The following CAMK1D variants were observed in gnomAD, a reference collection of about 807,000 sequenced individuals.
CAMK1D encodes calcium/calmodulin-dependent protein kinase type 1D.
CAMK1D carries 9 observed loss-of-function variants against 47.7 expected under a neutral mutation model. That is an observed-to-expected ratio of 0.19 (90% CI 0.11 to 0.33). The LOEUF is 0.33. Among genes scored for constraint, CAMK1D ranks in the 10% least tolerant of loss-of-function variants. The pLI is 1.00. For missense variants in CAMK1D, 291 were observed against 488.7 expected (o/e 0.60, Z 3.81); for synonymous variants, 184 against 184.9 (o/e 0.99, Z 0.04).
chr10:12,736,297 G>A (rs528659017), intron 3 of CAMK1D, among the ~76,000 whole-genome samples: 1 of 152,134 alleles, frequency 6.6e-6, no homozygotes, highest in South Asian at 2.1e-4. Context: ...CCTTCCCCTC[G>A]GCGTCCCCAA....
chr10:12,766,361 C>CT (rs61097569), intron 4 of CAMK1D, among the ~76,000 whole-genome samples: 60,453 of 103,084 alleles, frequency 0.59, 17,594 homozygotes, highest in East Asian at 0.76. Flanking sequence ...TTGCCTGTTT[C>CT]TTTTTTTTTT....
intron 2 of CAMK1D, among the ~76,000 whole-genome samples, chr10:12,563,287 G>A (rs758919506): frequency 3.3e-5 from 5 of 152,150 alleles, no homozygotes; most frequent in Non-Finnish European, 7.3e-5. Flanking sequence ...TCCAGGAGTC[G>A]AGGCTGCAGT....
At chr10:12,524,073 T>C (rs966735960) in intron 1 of CAMK1D, among the ~76,000 whole-genome samples, 1 of 152,016 alleles carries the variant, frequency 6.6e-6, no homozygotes, top group African/African-American at 2.4e-5. Flanking sequence ...TTGTATATTT[T>C]AGTAGAGACA....
At chr10:12,411,325 A>G (rs1249902283) in intron 1 of CAMK1D, among the ~76,000 whole-genome samples, 1 of 152,222 alleles carries the variant, frequency 6.6e-6, no homozygotes, top group African/African-American at 2.4e-5. Flanking sequence ...CTGTGCTTCC[A>G]CCATGCGGAT....
At chr10:12,453,307 A>T (rs1222167555) in intron 1 of CAMK1D, among the ~76,000 whole-genome samples, 1 of 150,922 alleles carries the variant, frequency 6.6e-6, no homozygotes, top group Non-Finnish European at 1.5e-5. Flanking sequence ...CTCCTGCCTC[A>T]GCCTCCTGAG....
intron 1 of CAMK1D, among the ~76,000 whole-genome samples, chr10:12,527,742 G>A (rs1205218442): frequency 6.6e-6 from 1 of 152,150 alleles, no homozygotes; most frequent in African/African-American, 2.4e-5. Flanking sequence ...ACTTACCAGT[G>A]GATACTTCTT....
chr10:12,743,546 C>T (rs1835531360), intron 3 of CAMK1D, among the ~76,000 whole-genome samples: 1 of 152,146 alleles, frequency 6.6e-6, no homozygotes, highest in Non-Finnish European at 1.5e-5. Flanking sequence ...TTCACCCTTT[C>T]AAGTTGTACA....
rs760852775 is a variant in CAMK1D, at chr10:12,349,877, A to G, written c.59A>G (p.Lys20Arg). ...TGGAAAAAGCAAGCTGAAGACATCA[A>G]GAAGATCTTCGAGTTCAAAGAGACC... ...SSWKKQAEDI[K>R]KIFEFKETLG... Residue 20 changes from lysine to arginine, a missense_variant, in exon 1 of 11, where the codon AAG becomes AGG. Around this residue, in one of 2 missense-constraint regions of CAMK1D, gnomAD observed 219 missense variants for 424.3 expected, o/e 0.52. Coordinates refer to ENST00000619168, the MANE Select transcript of CAMK1D (RefSeq NM_153498.4). The G allele has an allele frequency of 1.9e-6, 3 of 1,547,656 alleles. No individual in the cohort carries two copies. Among genetic ancestry groups the G allele is most frequent in the South Asian group, 1.2e-5 (1 of 86,150 alleles).
intron 3 of CAMK1D, among the ~76,000 whole-genome samples, chr10:12,683,978 T>C (rs1832553573): frequency 6.6e-6 from 1 of 152,130 alleles, no homozygotes; most frequent in African/African-American, 2.4e-5. Context: ...TGAGGTTTCA[T>C]TGCATACAAA....
At chr10:12,458,377 A>G (rs538798981) in intron 1 of CAMK1D, among the ~76,000 whole-genome samples, 5 of 152,272 alleles carry the variant, frequency 3.3e-5, no homozygotes, top group South Asian at 2.1e-4. Context: ...TTGCTGATAC[A>G]TATTCCTATG....
intron 1 of CAMK1D, among the ~76,000 whole-genome samples, chr10:12,492,288 G>T (rs886381796): frequency 6.7e-6 from 1 of 150,064 alleles, no homozygotes; most frequent in Non-Finnish European, 1.5e-5. Context: ...TGCCGCCATG[G>T]ACAGAGAAAT....
intron 3 of CAMK1D, among the ~76,000 whole-genome samples, chr10:12,753,139 A>G (rs936800480): frequency 5.3e-5 from 8 of 152,020 alleles, no homozygotes; most frequent in Non-Finnish European, 1.0e-4. Context: ...GTAGTCCCAG[A>G]TACTCGGGAG....
At chr10:12,685,847 G>A (rs906600273) in intron 3 of CAMK1D, among the ~76,000 whole-genome samples, 3 of 152,140 alleles carry the variant, frequency 2.0e-5, no homozygotes, top group Non-Finnish European at 2.9e-5. Context: ...GGGAATTTTC[G>A]GCTCTTCGGG....
chr10:12,808,955 A>G (rs1832485789), intron 6 of CAMK1D, among the ~76,000 whole-genome samples: 1 of 151,974 alleles, frequency 6.6e-6, no homozygotes, highest in African/African-American at 2.4e-5. Flanking sequence ...CATCTCTACT[A>G]AAAATACAAA....
In CAMK1D at chr10:12,553,128, G is replaced by A. The variant is rs1049381468; in HGVS notation, c.93-97G>A. On this transcript the variant is annotated intron_variant, in intron 1 of 10. Transcript: ENST00000619168. ...CAGTAATGCTTACAACTGTGCCGTCGTTATTGTTTACTCAAACTTCGGTGG... is the reference window on the plus strand; with the variant it reads ...CAGTAATGCTTACAACTGTGCCGTCATTATTGTTTACTCAAACTTCGGTGG... 104 of 1,590,476 alleles carry A rather than the reference G, an allele frequency of 6.5e-5. 1 individual carries two copies. In the Middle Eastern group the frequency reaches 6.7e-4, roughly 10 times the overall value.
intron 2 of CAMK1D, among the ~76,000 whole-genome samples, chr10:12,555,258 C>T (rs560737881): frequency 5.9e-5 from 9 of 152,206 alleles, no homozygotes; most frequent in Non-Finnish European, 1.3e-4. Flanking sequence ...CAACGATGTT[C>T]AGCCATCATT....
chr10:12,583,588 T>G (rs990291594), intron 2 of CAMK1D, among the ~76,000 whole-genome samples: 1 of 150,278 alleles, frequency 6.7e-6, no homozygotes, highest in Non-Finnish European at 1.5e-5. Flanking sequence ...TTGTGTGTGT[T>G]TTGTTGTTGT....
chr10:12,482,400 C>T (rs1266164142), intron 1 of CAMK1D, among the ~76,000 whole-genome samples: 1 of 152,142 alleles, frequency 6.6e-6, no homozygotes, highest in Non-Finnish European at 1.5e-5. Flanking sequence ...TTATAACACC[C>T]GGTAGCCAAA....
intron 1 of CAMK1D, among the ~76,000 whole-genome samples, chr10:12,382,323 T>C (rs1838368924): frequency 6.6e-6 from 1 of 152,100 alleles, no homozygotes; most frequent in Non-Finnish European, 1.5e-5. Context: ...TATCTTGTAA[T>C]GATAATGTAT....
Sources: gnomAD v4.1 joint callset for allele counts (sites outside exome capture counted in the v4.1 genomes callset) on GRCh38, gnomAD v4.1.1 for gene constraint, gnomAD v4.1.1 regional missense constraint, MANE v1.5 for transcripts, NCBI Gene and HGNC (gene_info 2026-07-23, HGNC 2026-07-21) for gene names.